Variants in TRIM24 observed in about 807,000 individuals in gnomAD.
TRIM24 encodes tripartite motif containing 24.
A neutral mutation model predicts 123.9 loss-of-function variants in TRIM24; 29 were observed. The observed-to-expected ratio is 0.23, with a 90% CI of 0.17 to 0.32. TRIM24 has a LOEUF of 0.32. Ranked by LOEUF, TRIM24 falls within the 10% of genes least tolerant of loss-of-function variation. The pLI is 1.00. For missense variants in TRIM24, 932 were observed against 1,295.3 expected, an observed-to-expected ratio of 0.72 and a Z score of 4.31; for synonymous variants, 456 against 461.1, an observed-to-expected ratio of 0.99 and a Z score of 0.14.
chr7:138,530,694 C>G (rs899877442), intron 6 of TRIM24, among the ~76,000 whole-genome samples: 1 of 151,764 alleles, frequency 6.6e-6, no homozygotes, highest in Non-Finnish European at 1.5e-5. Flanking sequence ...TCTCGAACTA[C>G]TGGGCTCAGG....
chr7:138,554,550 TG>T lies in TRIM24; in HGVS notation c.1262-143del. 1 of 648,028 alleles carries T rather than the reference TG, an allele frequency of 1.5e-6. No individual in the cohort carries two copies. The highest frequency in any genetic ancestry group is 2.5e-6 in the Non-Finnish European group (1 of 395,470). 40.1% of individuals were successfully genotyped at this position (648,028 alleles called of 1,614,324 possible). A position where few individuals can be genotyped will look rare whatever the true frequency, so the allele number is the denominator to read the frequency against. On this transcript the variant is annotated intron_variant, in intron 8 of 18. Coordinates refer to ENST00000343526, the MANE Select transcript of TRIM24 (RefSeq NM_015905.3). This position sits in a 1 kb window ranked among gnomAD's most constrained non-coding sequence, Gnocchi z 4.5. ...AGAAGTTAGATGAACAAAAGCTGTTTGGGGGTTCTCTTTCAGAGTGTTAAAG... is the reference window on the plus strand; with the variant it reads ...AGAAGTTAGATGAACAAAAGCTGTTTGGGGTTCTCTTTCAGAGTGTTAAAG...
intron 7 of TRIM24, among the ~76,000 whole-genome samples, chr7:138,539,556 A>T (rs1796959392): frequency 1.3e-5 from 2 of 152,250 alleles, no homozygotes; most frequent in South Asian, 4.1e-4. Flanking sequence ...CTACATTCTT[A>T]AAAATTCCTG....
chr7:138,469,524 A>ACTG (rs1795225241), intron 1 of TRIM24, among the ~76,000 whole-genome samples: 1 of 151,982 alleles, frequency 6.6e-6, no homozygotes, highest in Non-Finnish European at 1.5e-5. Context: ...TTGGCCTTGA[A>ACTG]CTGCTGACCT....
intron 9 of TRIM24, among the ~76,000 whole-genome samples, chr7:138,567,038 G>A (rs1797548650): frequency 6.6e-6 from 1 of 152,196 alleles, no homozygotes; most frequent in African/African-American, 2.4e-5. Context: ...TACATGTGAA[G>A]CATTTAAAGC....
chr7:138,571,633 T>C (rs886784169), intron 11 of TRIM24, among the ~76,000 whole-genome samples: 1 of 152,228 alleles, frequency 6.6e-6, no homozygotes, highest in South Asian at 2.1e-4. Flanking sequence ...TAGATCATAC[T>C]GACAAGTGCA....
chr7:138,585,029 C>G lies in TRIM24; in HGVS notation c.*78C>G. The stretch of plus-strand genomic sequence containing the variant: ...AACATTTGTCAGTAATTTAACATCA[C>G]TACAAAAAGAAGAGTTTGTGACTAT... On this transcript the variant is annotated 3_prime_UTR_variant, in exon 19 of 19. Coordinates refer to ENST00000343526, the MANE Select transcript of TRIM24 (RefSeq NM_015905.3). 2.4e-6 allele frequency: 3 copies of G among 1,268,794 alleles called. No individual in the cohort carries two copies. The highest frequency in any genetic ancestry group is 3.3e-6 in the Non-Finnish European group (3 of 915,048). The allele number at this position is 1,268,794 out of a possible 1,614,324, so 78.6% of individuals were successfully genotyped here.
At chr7:138,476,412 G>T (rs1470872880) in intron 1 of TRIM24, among the ~76,000 whole-genome samples, 3 of 152,042 alleles carry the variant, frequency 2.0e-5, no homozygotes, top group Non-Finnish European at 4.4e-5. Context: ...GACCAACATG[G>T]TGAAATCCTG....
At chr7:138,487,780 C>T (rs6974877) in intron 1 of TRIM24, among the ~76,000 whole-genome samples, 40,813 of 151,998 alleles carry the variant, frequency 0.27, 6,184 homozygotes, top group East Asian at 0.5. Flanking sequence ...CATCGATGTT[C>T]ATCAGGGATA....
chr7:138,477,671 T>G (rs1157291160), intron 1 of TRIM24, among the ~76,000 whole-genome samples: 1 of 152,134 alleles, frequency 6.6e-6, no homozygotes, highest in Non-Finnish European at 1.5e-5. Context: ...GTGTTTTTAG[T>G]GGTTATGTTG....
chr7:138,556,640 A>C (rs757659657), intron 9 of TRIM24, among the ~76,000 whole-genome samples: 25 of 152,266 alleles, frequency 1.6e-4, no homozygotes, highest in Non-Finnish European at 2.8e-4. Flanking sequence ...CCAACTGTAG[A>C]GAATCAGTCA....
At position 138,554,569 on chromosome 7, in the gene TRIM24, T is replaced by G. The variant is rs1313316753; in HGVS notation, c.1262-129T>G. The G allele has an allele frequency of 1.1e-6, 1 of 882,528 alleles. No homozygotes were observed. The highest frequency in any genetic ancestry group is 2.6e-5 in the East Asian group (1 of 38,148). The allele number at this position is 882,528 out of a possible 1,614,324, so 54.7% of individuals were successfully genotyped here. A position where few individuals can be genotyped will look rare whatever the true frequency, so the allele number is the denominator to read the frequency against. ...GCTGTTTGGGGGTTCTCTTTCAGAGTGTTAAAGGGCTCATGAGATCAGAGA... is the reference window on the plus strand; with the variant it reads ...GCTGTTTGGGGGTTCTCTTTCAGAGGGTTAAAGGGCTCATGAGATCAGAGA... On this transcript the variant is annotated intron_variant, in intron 8 of 18. Coordinates refer to ENST00000343526, the MANE Select transcript of TRIM24 (RefSeq NM_015905.3). This position sits in a 1 kb window ranked among gnomAD's most constrained non-coding sequence, Gnocchi z 4.5.
At position 138,460,310 on chromosome 7, in the gene TRIM24, C is replaced by T. The variant is rs1332078092; in HGVS notation, c.-239C>T. 3 of 398,490 alleles carry T rather than the reference C, an allele frequency of 7.5e-6. No homozygotes were observed. The highest frequency in any genetic ancestry group is 8.7e-6 in the Non-Finnish European group (2 of 230,340). The allele number at this position is 398,490 out of a possible 1,614,324, so 24.7% of individuals were successfully genotyped here. On this transcript the variant is annotated 5_prime_UTR_variant, in exon 1 of 19. Transcript: ENST00000343526. The stretch of plus-strand genomic sequence containing the variant: ...GCGAAGCGGACGGGGTGCAGCCTCC[C>T]CGGTGCGAGGAACGGTCTCCGCTGA...
chr7:138,570,358 T>C (rs1429706861), intron 10 of TRIM24, among the ~76,000 whole-genome samples: 1 of 152,220 alleles, frequency 6.6e-6, no homozygotes, highest in Non-Finnish European at 1.5e-5. Context: ...GCAGGAATGA[T>C]AGTACTTTCC....
intron 1 of TRIM24, among the ~76,000 whole-genome samples, chr7:138,473,147 G>A (rs1277997008): frequency 6.6e-6 from 1 of 152,172 alleles, no homozygotes; most frequent in East Asian, 1.9e-4. Context: ...AGGCGTGGTG[G>A]CATGTGCCTG....
intron 6 of TRIM24, among the ~76,000 whole-genome samples, chr7:138,531,417 T>C (rs931295300): frequency 7.2e-6 from 1 of 139,152 alleles, no homozygotes; most frequent in East Asian, 2.5e-4. Flanking sequence ...CCTTCCTGTG[T>C]CCAAGTGTTC....
Position 138,476,701 on chromosome 7 carries a change from G to A in TRIM24, c.364+15789G>A, listed in dbSNP as rs1319666857. On this transcript the variant is annotated intron_variant, in intron 1 of 18. Coordinates refer to ENST00000343526, the MANE Select transcript of TRIM24 (RefSeq NM_015905.3). ...AGGAAGATAATCCATTATATTGCCG[G>A]TGGGAATGCAGAATGCTAAAACTGG... Among the ~76,000 whole-genome samples the A allele has an allele frequency of 2.6e-5, 4 of 152,174 alleles. No individual in the cohort carries two copies. The South Asian group carries it at 8.3e-4, about 31-fold the overall frequency.
At chr7:138,566,613 A>T (rs1350999884) in intron 9 of TRIM24, among the ~76,000 whole-genome samples, 1 of 152,212 alleles carries the variant, frequency 6.6e-6, no homozygotes, top group Non-Finnish European at 1.5e-5. Flanking sequence ...TTTGGTAATG[A>T]TATGGCAGAC....
At chr7:138,528,993 A>G in intron 5 of TRIM24, 123 bp from the exon 6 acceptor site, 1 of 451,712 alleles carries the variant, frequency 2.2e-6, no homozygotes. Flanking sequence ...ATTTAAAGTG[A>G]AGGACTCAGA....
intron 7 of TRIM24, among the ~76,000 whole-genome samples, chr7:138,546,557 G>A (rs185681314): frequency 2.0e-5 from 3 of 152,268 alleles, no homozygotes; most frequent in African/African-American, 7.2e-5. Flanking sequence ...AGTATTTAGG[G>A]AAGACAGGAC....
Sources: allele counts gnomAD v4.1 joint callset (sites outside exome capture counted in the v4.1 genomes callset), GRCh38; gene constraint gnomAD v4.1.1; non-coding constraint Gnocchi (gnomAD v3.1); transcripts MANE v1.5; gene names NCBI Gene and HGNC (gene_info 2026-07-23, HGNC 2026-07-21).